AFF2: variants seen among roughly 807,000 people sequenced by gnomAD.
The protein encoded by AFF2 is AF4/FMR2 family member 2.
AFF2 carries 14 observed loss-of-function variants against 76.9 expected under a neutral mutation model. The observed-to-expected ratio is 0.18, with a 90% confidence interval of 0.12 to 0.28. The LOEUF (loss-of-function observed/expected upper bound fraction) is 0.28, where lower values mean the gene tolerates loss of function less well. Ranked by LOEUF, AFF2 falls within the 10% of genes least tolerant of loss-of-function variation. AFF2 has a pLI of 1.00. For synonymous variants in AFF2, 398 were observed against 366.7 expected, an observed-to-expected ratio of 1.09 and a Z score of -0.98; for missense variants, 868 against 1,001.1, an observed-to-expected ratio of 0.87 and a Z score of 1.79.
Position 148,590,087 on chromosome X carries a change from G to C in AFF2, c.48-61912G>C, listed in dbSNP as rs192509988. Among the ~76,000 whole-genome samples, 10 of 103,631 alleles carry C rather than the reference G, an allele frequency of 9.6e-5. No individual in the cohort carries two copies. The East Asian group carries it at 3.1e-3, about 32-fold the overall frequency. The allele number at this position is 103,631 out of a possible 115,157, so 90.0% of individuals were successfully genotyped here. A position where few individuals can be genotyped will look rare whatever the true frequency, so the allele number is the denominator to read the frequency against. On this transcript the variant is annotated intron_variant, in intron 1 of 20. Transcript: ENST00000370460. ...CAAGTGTAGTTCCCCCTTAGTAAGG[G>C]CATCTGCTAATCATTACCACCAAAC... is the stretch of plus-strand genomic sequence containing the variant.
At chrX:148,826,573 G>A (rs1441312327) in intron 4 of AFF2, among the ~76,000 whole-genome samples, 2 of 111,518 alleles carry the variant, frequency 1.8e-5, no homozygotes, top group African/African-American at 3.3e-5. Flanking sequence ...GCTTTATAGC[G>A]TGCCTGTGGG....
intron 2 of AFF2, among the ~76,000 whole-genome samples, chrX:148,653,484 G>A (rs1374980654): frequency 3.6e-5 from 4 of 111,289 alleles, no homozygotes; most frequent in Admixed American, 9.5e-5. Context: ...ACAGATCAGC[G>A]AAGACTTTGT....
At chrX:148,815,788 A>G (rs1293495151) in intron 4 of AFF2, among the ~76,000 whole-genome samples, 2 of 111,808 alleles carry the variant, frequency 1.8e-5, no homozygotes, top group East Asian at 2.8e-4. Context: ...ATCAAATAGA[A>G]GTAACTTAGC....
intron 9 of AFF2, among the ~76,000 whole-genome samples, chrX:148,931,409 G>T (rs2071712566): frequency 9.0e-6 from 1 of 111,037 alleles, no homozygotes; most frequent in Non-Finnish European, 1.9e-5. Flanking sequence ...AAAATGTGAT[G>T]GTTATTATAG....
At chrX:148,844,189 G>A (rs1463908915) in intron 7 of AFF2, among the ~76,000 whole-genome samples, 1 of 112,003 alleles carries the variant, frequency 8.9e-6, no homozygotes, top group Non-Finnish European at 1.9e-5. Flanking sequence ...TAGGATGGAC[G>A]AGGGAATCTA....
chrX:148,786,968 A>C (rs2069829262), intron 3 of AFF2, among the ~76,000 whole-genome samples: 1 of 111,853 alleles, frequency 8.9e-6, no homozygotes, highest in Non-Finnish European at 1.9e-5. Flanking sequence ...GAGGCTCCTC[A>C]TTCCTACCTT....
chrX:148,741,455 G>A (rs868978024), intron 3 of AFF2, among the ~76,000 whole-genome samples: 3 of 110,616 alleles, frequency 2.7e-5, no homozygotes, highest in Non-Finnish European at 5.7e-5. Context: ...TAGCTCCCAC[G>A]CAAACTGAAT....
intron 9 of AFF2, among the ~76,000 whole-genome samples, chrX:148,924,948 G>C (rs1297374662): frequency 2.7e-5 from 3 of 112,509 alleles, no homozygotes; most frequent in African/African-American, 6.5e-5. Context: ...CATATAACAA[G>C]ACACTTGCAC....
chrX:148,847,118 A>G lies in AFF2; in HGVS notation c.1262+3685A>G, dbSNP rs918327542. Among the ~76,000 whole-genome samples the G allele has an allele frequency of 5.4e-5, 6 of 111,761 alleles. No homozygotes were observed. In the South Asian group the frequency reaches 1.5e-3, roughly 28 times the overall value. On this transcript the variant is annotated intron_variant, in intron 7 of 20. Coordinates refer to ENST00000370460, the MANE Select transcript of AFF2 (RefSeq NM_002025.4). ...GAGAAAACAGAAACCAAGGTGAAGA[A>G]CTTGGATTTTCTTTGTTCAGTTGGA...
At chrX:148,785,300 A>G (rs2069804217) in intron 3 of AFF2, among the ~76,000 whole-genome samples, 1 of 112,141 alleles carries the variant, frequency 8.9e-6, no homozygotes, top group Non-Finnish European at 1.9e-5. Flanking sequence ...TGTACCCAGT[A>G]TCAGGATATT....
intron 1 of AFF2, among the ~76,000 whole-genome samples, chrX:148,504,767 A>T (rs1410282481): frequency 8.9e-6 from 1 of 112,402 alleles, no homozygotes; most frequent in African/African-American, 3.2e-5. Context: ...GCTGCTTTCT[A>T]GACAAAAGTG....
At chrX:148,902,071 G>T (rs782675153) in intron 8 of AFF2, among the ~76,000 whole-genome samples, 1 of 112,234 alleles carries the variant, frequency 8.9e-6, no homozygotes, top group African/African-American at 3.2e-5. Context: ...TCTATAAAAA[G>T]ATGTATGTTT....
At chrX:148,602,631 C>T (rs1278127692) in intron 1 of AFF2, among the ~76,000 whole-genome samples, 3 of 110,249 alleles carry the variant, frequency 2.7e-5, no homozygotes, top group African/African-American at 6.6e-5. Flanking sequence ...GTGAACAAAA[C>T]GAACGAAGAA....
chrX:148,584,557 A>T (rs868914624), intron 1 of AFF2, among the ~76,000 whole-genome samples: 1 of 94,784 alleles, frequency 1.1e-5, no homozygotes, highest in Admixed American at 1.2e-4. Flanking sequence ...AAATGAAATG[A>T]TTTTTTTTTT....
rs367867746 is a variant in AFF2, at chrX:148,560,836, T to TG, written c.47+59700dup. 4.0e-3 allele frequency among the ~76,000 whole-genome samples: 437 copies of TG among 110,225 alleles called. 3 individuals are homozygous for TG. The highest frequency in any genetic ancestry group is 7.2e-3 in the African/African-American group (217 of 30,332). On this transcript the variant is annotated intron_variant, in intron 1 of 20. Transcript: ENST00000370460. ...ATTTATCTTGATGACAGTTTTTTTC[T>TG]GGGGGGGGCACCTCCTGTTCTCCTC... is the stretch of plus-strand genomic sequence containing the variant.
intron 3 of AFF2, among the ~76,000 whole-genome samples, chrX:148,720,225 A>G (rs1180212569): frequency 2.7e-5 from 3 of 110,633 alleles, no homozygotes; most frequent in Non-Finnish European, 5.7e-5. Context: ...GGTGGGGGGA[A>G]GTTGTGGCTG....
At chrX:148,696,332 G>A (rs1360800264) in intron 3 of AFF2, among the ~76,000 whole-genome samples, 4 of 110,112 alleles carry the variant, frequency 3.6e-5, no homozygotes, top group East Asian at 5.7e-4. Flanking sequence ...ATAGCATTAG[G>A]AGATATACCT....
At chrX:148,920,869 G>A (rs948831975) in intron 9 of AFF2, among the ~76,000 whole-genome samples, 2 of 110,955 alleles carry the variant, frequency 1.8e-5, no homozygotes, top group Non-Finnish European at 3.8e-5. Context: ...GTTGAGTTGT[G>A]TTGGTGATTT....
chrX:148,733,114 G>T (rs558529495), intron 3 of AFF2, among the ~76,000 whole-genome samples: 1 of 111,494 alleles, frequency 9.0e-6, no homozygotes, highest in Middle Eastern at 4.6e-3. Flanking sequence ...TTTTTGTCTG[G>T]AGGTAGGGTT....
Sources: gnomAD v4.1 joint callset for allele counts (sites outside exome capture counted in the v4.1 genomes callset) on GRCh38, gnomAD v4.1.1 for gene constraint, MANE v1.5 for transcripts, NCBI Gene and HGNC (gene_info 2026-07-23, HGNC 2026-07-21) for gene names.